FAM83E: variants seen among roughly 807,000 people sequenced by gnomAD.
FAM83E encodes the protein scaffolding CK1 anchoring protein E, also known as protein FAM83E.
In FAM83E, 29 loss-of-function variants were observed where a neutral mutation model predicts 34.3. That is an observed-to-expected ratio of 0.85 (90% CI 0.63 to 1.15). The LOEUF is 1.15. FAM83E is among the 50% of genes most tolerant of loss of function. FAM83E has a pLI of 0.00. For missense variants in FAM83E, 697 were observed against 685.0 expected (o/e 1.02, Z -0.20); for synonymous variants, 312 against 311.6 (o/e 1.00, Z -0.01).
rs1448865867 is a variant in FAM83E at position 48,610,703 on chromosome 19, C to T, written c.610G>A (p.Gly204Arg). 1.3e-6 allele frequency: 2 copies of T among 1,575,868 alleles called. No individual in the cohort carries two copies. Among genetic ancestry groups the T allele is most frequent in the Non-Finnish European group, 1.7e-6 (2 of 1,161,050 alleles). ...PAFLELAQQL[G>R]VNPWNTENVD... ...ACCTCCGTGTTCCAGGGGTTCACCC[C>T]CAGCTGCTGGGCCAGTTCCAGGAAG... The change falls in exon 4 of 7, where the codon GGG becomes AGG. Residue 204 changes from glycine to arginine, a missense_variant. By Grantham distance (125) the Gly-to-Arg change is moderately radical. Coordinates refer to ENST00000263266, the MANE Select transcript of FAM83E (RefSeq NM_017708.4).
chr19:48,604,583 C>T (rs1269603606), intron 5 of FAM83E, among the ~76,000 whole-genome samples: 1 of 150,672 alleles, frequency 6.6e-6, no homozygotes, highest in South Asian at 2.1e-4. Context: ...CCACCCGCCT[C>T]GGCCTCCCAA....
rs940747671 is a variant in FAM83E, at chr19:48,614,753, G to C, written c.-1301C>G. Reference sequence around the variant, plus strand: ...CTCAATGGCCTCCCTTCCAGTGCCTGCTTTTTCCGAGAACGTAGGCTGTGG... The same window carrying C: ...CTCAATGGCCTCCCTTCCAGTGCCTCCTTTTTCCGAGAACGTAGGCTGTGG... On this transcript the variant is annotated 5_prime_UTR_variant, in exon 2 of 7. Transcript: ENST00000263266. The C allele has an allele frequency of 1.0e-6, 1 of 985,246 alleles. No individual in the cohort carries two copies. Among genetic ancestry groups the C allele is most frequent in the South Asian group, 4.7e-5 (1 of 21,300 alleles). The allele number at this position is 985,246 out of a possible 1,614,324, so 61.0% of individuals were successfully genotyped here.
intron 5 of FAM83E, chr19:48,606,902 G>C (rs1973940200): frequency 6.5e-7 from 1 of 1,528,570 alleles, no homozygotes. Context: ...GTCCTCAGAG[G>C]TCCTTCATTC....
Position 48,610,866 on chromosome 19 carries a change from G to T in FAM83E, c.466-19C>A. 4.4e-6 allele frequency: 7 copies of T among 1,580,744 alleles called. No homozygotes were observed. The highest frequency in any genetic ancestry group is 6.0e-6 in the Non-Finnish European group (7 of 1,163,086). Reference sequence around the variant, plus strand: ...CCACCAGCTGGGCATGGGGAGAGGGGCGGTGGGCTTGTGAACGGAAGCTGG... The same window carrying T: ...CCACCAGCTGGGCATGGGGAGAGGGTCGGTGGGCTTGTGAACGGAAGCTGG... On this transcript the variant is annotated intron_variant, in intron 3 of 6. Coordinates refer to ENST00000263266, the MANE Select transcript of FAM83E (RefSeq NM_017708.4).
intron 3 of FAM83E, among the ~76,000 whole-genome samples, chr19:48,611,048 G>A (rs944597043): frequency 6.6e-6 from 1 of 152,126 alleles, no homozygotes; most frequent in Non-Finnish European, 1.5e-5. Flanking sequence ...TGAGCAAAAC[G>A]CTGCCCCTCC....
chr19:48,610,081 TG>T, intron 4 of FAM83E, 81 bp from the exon 5 acceptor site: 1 of 1,535,806 alleles, frequency 6.5e-7, no homozygotes, highest in Non-Finnish European at 8.8e-7. Context: ...TGGTTCTAAC[TG>T]GGGGACCCAT....
In FAM83E at chr19:48,614,995, G is replaced by A. The variant is rs1974126647; in HGVS notation, c.-1446C>T. On this transcript the variant is annotated 5_prime_UTR_variant, in exon 1 of 7. Transcript: ENST00000263266. ...ACTCAGGCTTCCCGGTCCCCGGGGG[G>A]TTGAGATTGCCTCACCTGTTCCCAG... The A allele has an allele frequency of 9.9e-6, 2 of 201,728 alleles. No individual in the cohort carries two copies. Among genetic ancestry groups the A allele is most frequent in the Non-Finnish European group, 1.9e-5 (2 of 105,478 alleles). The allele number at this position is 201,728 out of a possible 1,614,324, so 12.5% of individuals were successfully genotyped here. A position where few individuals can be genotyped will look rare whatever the true frequency, so the allele number is the denominator to read the frequency against.
intron 3 of FAM83E, 36 bp downstream of exon 3, chr19:48,612,872 T>C: frequency 6.7e-7 from 1 of 1,493,090 alleles, no homozygotes; most frequent in Non-Finnish European, 9.0e-7. Flanking sequence ...CCCGTCCCAG[T>C]CTGGTGAATG....
At position 48,600,262 on chromosome 19, in the gene FAM83E, C is replaced by T. The variant is rs378333; in HGVS notation, c.*847G>A. ...AGCTGTGTGTGTCTTCTTTAGGATC[C>T]GCTGCCTGGGGACGCTGCCAGCCCA... is the stretch of plus-strand genomic sequence containing the variant. On this transcript the variant is annotated 3_prime_UTR_variant, in exon 7 of 7. Coordinates refer to ENST00000263266, the MANE Select transcript of FAM83E (RefSeq NM_017708.4). Among the ~76,000 whole-genome samples, 2,038 of 152,320 alleles carry T rather than the reference C, an allele frequency of 0.013. 44 individuals are homozygous for T. Among genetic ancestry groups the T allele is most frequent in the African/African-American group, 0.045 (1,870 of 41,570 alleles).
intron 5 of FAM83E, 126 bp from the exon 6 acceptor site, chr19:48,604,037 TTCCCTG>T (rs1366815103): frequency 1.1e-6 from 1 of 930,732 alleles, no homozygotes; most frequent in Non-Finnish European, 1.6e-6. Flanking sequence ...CAGCCTCAGC[TTCCCTG>T]TCTGTAGAAT....
chr19:48,614,542 T>C lies in FAM83E; in HGVS notation c.-1170A>G, dbSNP rs1974110091. 2.0e-6 allele frequency: 2 copies of C among 985,830 alleles called. No individual in the cohort carries two copies. Among genetic ancestry groups the C allele is most frequent in the Non-Finnish European group, 2.4e-6 (2 of 830,352 alleles). 61.1% of individuals were successfully genotyped at this position (985,830 alleles called of 1,614,324 possible). ...GCTCCTGACCCAACCTCGGGGACCC[T>C]GGACCCTTGATCCCTGCAAACCAGA... On this transcript the variant is annotated 5_prime_UTR_variant, in exon 3 of 7. Coordinates refer to ENST00000263266, the MANE Select transcript of FAM83E (RefSeq NM_017708.4).
chr19:48,604,059 CA>C (rs1973883725), intron 5 of FAM83E, 148 bp from the exon 6 acceptor site: 2 of 747,838 alleles, frequency 2.7e-6, no homozygotes, highest in East Asian at 6.7e-5. Flanking sequence ...AGAATGGGCA[CA>C]ACTGAAGTAC....
In FAM83E at chr19:48,601,355, C is replaced by A; in HGVS notation, c.1191G>T (p.Trp397Cys). Reference protein sequence around the residue: ...SDGDNELKKSWGSKDTPAKAL... With the variant: ...SDGDNELKKSCGSKDTPAKAL... ...CCTTGGCTGGAGTGTCCTTGGAGCC[C>A]CAGGATTTCTTGAGCTGTGGAGGGA... The change falls in exon 7 of 7, where the codon TGG becomes TGT. Residue 397 changes from tryptophan to cysteine, a missense_variant. Trp to Cys is a radical substitution (Grantham distance 215). Transcript: ENST00000263266. The A allele has an allele frequency of 6.4e-7, 1 of 1,563,082 alleles. No homozygotes were observed. Among genetic ancestry groups the A allele is most frequent in the Non-Finnish European group, 8.7e-7 (1 of 1,153,110 alleles).
Position 48,614,858 on chromosome 19 carries a change from G to C in FAM83E, c.-1387-19C>G. 2.1e-6 allele frequency: 2 copies of C among 950,384 alleles called. No homozygotes were observed. The highest frequency in any genetic ancestry group is 2.5e-6 in the Non-Finnish European group (2 of 797,918). The allele number at this position is 950,384 out of a possible 1,614,324, so 58.9% of individuals were successfully genotyped here. A position where few individuals can be genotyped will look rare whatever the true frequency, so the allele number is the denominator to read the frequency against. On this transcript the variant is annotated intron_variant, in intron 1 of 6. Coordinates refer to ENST00000263266, the MANE Select transcript of FAM83E (RefSeq NM_017708.4). The stretch of plus-strand genomic sequence containing the variant: ...CCTCGACCTGGAATCCAGGGAGCCC[G>C]GCCCCTTGTGTAAACACAGGAGGGC...
rs1330266843 is a variant in FAM83E at position 48,612,938 on chromosome 19, C to T, written c.435G>A (p.Leu145=). ...GGGCAGCCTGGATCTCCAGCCGCAC[C>T]AGCTCCTTGAGGGGCGGCTGACCCT... is the stretch of plus-strand genomic sequence containing the variant. The part of the protein sequence containing the change: ...PGEGQPPLKE[L]VRLEIQAAHK... The change falls in exon 3 of 7, where the codon CTG becomes CTA. Residue 145 remains leucine (L), a synonymous_variant. Transcript: ENST00000263266. 3 of 1,578,580 alleles carry T rather than the reference C, an allele frequency of 1.9e-6. No individual in the cohort carries two copies. The highest frequency in any genetic ancestry group is 2.6e-6 in the Non-Finnish European group (3 of 1,161,666).
Position 48,614,358 on chromosome 19 carries a change from G to C in FAM83E, c.-986C>G. 1 of 985,438 alleles carries C rather than the reference G, an allele frequency of 1.0e-6. No homozygotes were observed. The highest frequency in any genetic ancestry group is 1.2e-6 in the Non-Finnish European group (1 of 830,002). The allele number at this position is 985,438 out of a possible 1,614,324, so 61.0% of individuals were successfully genotyped here. ...GGGCCTGGCCCTGGGACCTGTTCCA[G>C]GCCGTCCTCTGATCTGCGGGGAGCC... On this transcript the variant is annotated 5_prime_UTR_variant, in exon 3 of 7. Coordinates refer to ENST00000263266, the MANE Select transcript of FAM83E (RefSeq NM_017708.4).
intron 6 of FAM83E, 148 bp from the exon 7 acceptor site, chr19:48,601,517 C>T: frequency 7.1e-7 from 1 of 1,406,624 alleles, no homozygotes. Context: ...GTAATCCCAG[C>T]ACTTTGGGAG....
In FAM83E at chr19:48,614,440, C is replaced by G. The variant is rs1042910977; in HGVS notation, c.-1068G>C. 1 of 985,570 alleles carries G rather than the reference C, an allele frequency of 1.0e-6. No homozygotes were observed. The highest frequency in any genetic ancestry group is 4.7e-5 in the South Asian group (1 of 21,294). The allele number at this position is 985,570 out of a possible 1,614,324, so 61.1% of individuals were successfully genotyped here. A position where few individuals can be genotyped will look rare whatever the true frequency, so the allele number is the denominator to read the frequency against. On this transcript the variant is annotated 5_prime_UTR_variant, in exon 3 of 7. Transcript: ENST00000263266. ...CTAAATGCTATCTCCTGCCAGCTAC[C>G]CGGACGCTTCTTCCCGGACAGGGGC...
At chr19:48,611,552 C>T (rs573413495) in intron 3 of FAM83E, among the ~76,000 whole-genome samples, 2 of 151,940 alleles carry the variant, frequency 1.3e-5, no homozygotes, top group Non-Finnish European at 2.9e-5. Flanking sequence ...ACTGCAACTT[C>T]GGCCTCTGGG....
Sources: gnomAD v4.1 joint callset for allele counts (sites outside exome capture counted in the v4.1 genomes callset) on GRCh38, gnomAD v4.1.1 for gene constraint, MANE v1.5 for transcripts, NCBI Gene and HGNC (gene_info 2026-07-23, HGNC 2026-07-21) for gene names.